The following RBFOX1 variants were observed in gnomAD, a reference collection of about 807,000 sequenced individuals.
RBFOX1 encodes RNA binding fox-1 homolog 1.
Under a neutral mutation model 57.7 loss-of-function variants are expected in RBFOX1, and 8 were observed. The ratio of observed to expected loss-of-function variants is 0.14; its 90% confidence interval spans 0.08 to 0.25. RBFOX1 has a LOEUF of 0.25. RBFOX1 is among the 10% of genes least tolerant of loss of function. The pLI is 1.00. For synonymous variants in RBFOX1, 326 were observed against 222.4 expected (o/e 1.47, Z -4.15); for missense variants, 611 against 548.5 (o/e 1.11, Z -1.14).
At chr16:5,669,031 GTAC>G (rs1449918550) in intron 3 of RBFOX1, among the ~76,000 whole-genome samples, 1 of 152,118 alleles carries the variant, frequency 6.6e-6, no homozygotes, top group Non-Finnish European at 1.5e-5. Flanking sequence ...CCACCCATTG[GTAC>G]TGTCTGAGCA....
At chr16:5,447,127 G>C (rs370737235) in intron 1 of RBFOX1, among the ~76,000 whole-genome samples, 1 of 152,194 alleles carries the variant, frequency 6.6e-6, no homozygotes, top group African/African-American at 2.4e-5. Flanking sequence ...TGGTCTCTGC[G>C]TCCAGTAGTT....
intron 1 of RBFOX1, among the ~76,000 whole-genome samples, chr16:5,299,550 G>C (rs76332754): frequency 1.3e-5 from 2 of 152,218 alleles, no homozygotes; most frequent in South Asian, 4.1e-4. Flanking sequence ...GACAAGCCAC[G>C]TATGAAAGTT....
At chr16:5,665,025 G>A (rs1004967238) in intron 3 of RBFOX1, among the ~76,000 whole-genome samples, 3 of 150,646 alleles carry the variant, frequency 2.0e-5, no homozygotes, top group African/African-American at 4.9e-5. Context: ...GCTCACTGCA[G>A]CCCTCTACCT....
intron 3 of RBFOX1, among the ~76,000 whole-genome samples, chr16:5,866,275 C>T (rs1174450078): frequency 6.6e-6 from 1 of 152,206 alleles, no homozygotes; most frequent in East Asian, 1.9e-4. Context: ...AGGCAGCTGT[C>T]TCTTCTTTGA....
chr16:7,012,651 C>T (rs1166730587), intron 3 of RBFOX1, among the ~76,000 whole-genome samples: 1 of 152,136 alleles, frequency 6.6e-6, no homozygotes, highest in Non-Finnish European at 1.5e-5. Flanking sequence ...ACAGACCTTT[C>T]TTTATTATGG....
chr16:6,554,557 TG>T (rs1181326133), intron 2 of RBFOX1, among the ~76,000 whole-genome samples: 5 of 152,206 alleles, frequency 3.3e-5, no homozygotes, highest in Non-Finnish European at 7.3e-5. Flanking sequence ...TCAATAAAAC[TG>T]GTTTTCTAAA....
intron 1 of RBFOX1, among the ~76,000 whole-genome samples, chr16:6,182,554 T>C (rs1403299569): frequency 1.3e-5 from 2 of 152,218 alleles, no homozygotes; most frequent in African/African-American, 4.8e-5. Flanking sequence ...GCCACATAAC[T>C]TTGTATTGAA....
At chr16:6,955,126 A>C (rs1157766448) in intron 3 of RBFOX1, among the ~76,000 whole-genome samples, 1 of 151,662 alleles carries the variant, frequency 6.6e-6, no homozygotes, top group Non-Finnish European at 1.5e-5. Flanking sequence ...CTGTAGTCCC[A>C]GCTACTTGGG....
intron 1 of RBFOX1, among the ~76,000 whole-genome samples, chr16:6,138,647 C>T (rs79594110): frequency 2.5e-4 from 38 of 152,240 alleles, no homozygotes; most frequent in African/African-American, 8.9e-4. Context: ...GCGGACAGAT[C>T]ACGAGGTCAG....
At chr16:7,620,321 G>A (rs2059116765) in intron 10 of RBFOX1, among the ~76,000 whole-genome samples, 1 of 152,168 alleles carries the variant, frequency 6.6e-6, no homozygotes, top group Non-Finnish European at 1.5e-5. Flanking sequence ...GCTCAGAGAA[G>A]TACAGAGTTT....
chr16:7,280,450 A>G (rs188965677), intron 4 of RBFOX1, among the ~76,000 whole-genome samples: 52 of 152,322 alleles, frequency 3.4e-4, no homozygotes, highest in African/African-American at 1.3e-3. Flanking sequence ...TTGTCCAAAG[A>G]GAATAATAAG....
chr16:6,622,489 G>C (rs1004701209), intron 2 of RBFOX1, among the ~76,000 whole-genome samples: 2 of 152,142 alleles, frequency 1.3e-5, no homozygotes, highest in Non-Finnish European at 2.9e-5. Flanking sequence ...TGTGTGTGTA[G>C]TAGGCTACAC....
intron 14 of RBFOX1, 135 bp downstream of exon 14, chr16:7,676,973 G>T: frequency 2.6e-6 from 2 of 775,024 alleles, no homozygotes; most frequent in Non-Finnish European, 4.3e-6. Context: ...AGGTCCCATG[G>T]TGAACGTGAA....
intron 4 of RBFOX1, among the ~76,000 whole-genome samples, chr16:7,464,435 C>G (rs1175845060): frequency 1.3e-5 from 2 of 151,982 alleles, no homozygotes; most frequent in East Asian, 1.9e-4. Flanking sequence ...ATGGTGGTCA[C>G]TTCTGCAAAA....
rs140625897 is a variant in RBFOX1, at chr16:7,079,913, A to G, written c.27+27815A>G. The stretch of plus-strand genomic sequence containing the variant: ...AGATAAGAAAAAGTTCTGTGGGTGG[A>G]TGGTGGTGATGGTTGCCCAACAATG... On this transcript the variant is annotated intron_variant, in intron 4 of 15. Transcript: ENST00000550418. Among the ~76,000 whole-genome samples, 1,517 of 151,870 alleles carry G rather than the reference A, an allele frequency of 1.0e-2. 30 individuals are homozygous for G. Among genetic ancestry groups the G allele is most frequent in the African/African-American group, 0.034 (1,426 of 41,422 alleles).
chr16:6,661,555 C>G (rs753608312), intron 3 of RBFOX1, among the ~76,000 whole-genome samples: 6 of 152,076 alleles, frequency 3.9e-5, no homozygotes, highest in Admixed American at 6.5e-5. Flanking sequence ...TACACAGCAC[C>G]AAGAAGGTAC....
intron 3 of RBFOX1, among the ~76,000 whole-genome samples, chr16:5,644,710 C>T (rs1162017484): frequency 1.3e-5 from 2 of 152,156 alleles, no homozygotes; most frequent in African/African-American, 4.8e-5. Context: ...GAACTGAGAT[C>T]ATGTCCACAA....
chr16:6,470,763 C>A (rs1382060966), intron 2 of RBFOX1, among the ~76,000 whole-genome samples: 1 of 152,164 alleles, frequency 6.6e-6, no homozygotes, highest in Non-Finnish European at 1.5e-5. Context: ...TTGGCCTTGA[C>A]TTTTTGGCTT....
At position 5,690,005 on chromosome 16, in the gene RBFOX1, C is replaced by T. The variant is rs954249828; in HGVS notation, c.318+91044C>T. 5.6e-4 allele frequency among the ~76,000 whole-genome samples: 86 copies of T among 152,220 alleles called. 1 individual carries two copies. The highest frequency in any genetic ancestry group is 1.7e-3 in the African/African-American group (70 of 41,538). ...CTGCTTGCACATGGAACAGCAATTG[C>T]GTAAACTTTGCAGAGGAAAAGACCT... On this transcript the variant is annotated intron_variant, in intron 3 of 19. Coordinates refer to the RBFOX1 transcript ENST00000641259.
Sources: gnomAD v4.1 joint callset for allele counts (sites outside exome capture counted in the v4.1 genomes callset) on GRCh38, gnomAD v4.1.1 for gene constraint, MANE v1.5 for transcripts, NCBI Gene and HGNC (gene_info 2026-07-23, HGNC 2026-07-21) for gene names.